The following ALG8 variants were observed in gnomAD, a reference collection of about 807,000 sequenced individuals.
ALG8 encodes dolichyl pyrophosphate Glc1Man9GlcNAc2 alpha-1,3-glucosyltransferase.
Under a neutral mutation model 70.2 loss-of-function variants are expected in ALG8, and 48 were observed. The observed-to-expected ratio is 0.68, with a 90% CI of 0.54 to 0.87. ALG8 has a LOEUF of 0.87. Ranked by LOEUF, ALG8 falls within the 40% of genes least tolerant of loss-of-function variation. The pLI, the probability that ALG8 is intolerant of heterozygous loss-of-function variation, is 0.00. For missense variants in ALG8, 572 were observed against 608.7 expected (o/e 0.94, Z 0.64); for synonymous variants, 234 against 229.0 (o/e 1.02, Z -0.20).
rs1304625845 is a variant in ALG8, at chr11:78,112,705, C to G, written c.843G>C (p.Trp281Cys). The G allele has an allele frequency of 6.2e-7, 1 of 1,613,988 alleles. No individual in the cohort carries two copies. Among genetic ancestry groups the G allele is most frequent in the Non-Finnish European group, 8.5e-7 (1 of 1,179,948 alleles). The part of the protein sequence containing the change: ...PFKRGLCHAY[W>C]APNFWALYNA... The stretch of plus-strand genomic sequence containing the variant: ...TGTACAAAGCCCAGAAGTTTGGAGC[C>G]CAATATGCATGACAGAGGCCCCTCT... The change falls in exon 8 of 13, where the codon TGG becomes TGC. Residue 281 changes from tryptophan to cysteine, a missense_variant. Physicochemically the swap from Trp to Cys is radical, Grantham distance 215. Transcript: ENST00000299626.
chr11:78,138,501 T>C (rs565640281), intron 1 of ALG8, among the ~76,000 whole-genome samples: 1 of 152,296 alleles, frequency 6.6e-6, no homozygotes, highest in South Asian at 2.1e-4. Context: ...TGATTACATA[T>C]ACGCATCAGT....
At position 78,106,851 on chromosome 11, in the gene ALG8, C is replaced by A. The variant is rs867450807; in HGVS notation, c.1134G>T (p.Trp378Cys). 14 of 1,613,958 alleles carry A rather than the reference C, an allele frequency of 8.7e-6. No individual in the cohort carries two copies. The highest frequency in any genetic ancestry group is 1.3e-5 in the African/African-American group (1 of 74,894). ...LCALSSFMFGWHVHEKAILLA... is the reference protein window; with the variant it reads ...LCALSSFMFGCHVHEKAILLA... Reference sequence around the variant, plus strand: ...GAAGTATGGCTTTTTCATGAACATGCCACCCAAACATAAAGGAGCTCAAGG... The same window carrying A: ...GAAGTATGGCTTTTTCATGAACATGACACCCAAACATAAAGGAGCTCAAGG... Residue 378 changes from tryptophan (W) to cysteine (C), a missense_variant, in exon 10 of 13, where the codon TGG becomes TGT. Physicochemically the swap from Trp to Cys is radical, Grantham distance 215. Coordinates refer to ENST00000299626, the MANE Select transcript of ALG8 (RefSeq NM_024079.5).
intron 2 of ALG8, 135 bp from the exon 3 acceptor site, chr11:78,124,349 C>A: frequency 2.4e-6 from 2 of 847,242 alleles, no homozygotes; most frequent in South Asian, 3.1e-5. Flanking sequence ...ACACCTGTAA[C>A]CCCAGCACTT....
Position 78,104,057 on chromosome 11 carries a change from T to A in ALG8, c.1277-5A>T, listed in dbSNP as rs1167702083. On this transcript the variant is annotated splice_region_variant and splice_polypyrimidine_tract_variant and intron_variant, in intron 11 of 12. Transcript: ENST00000299626. ...GTAAGATTTTAATGGGAAGTTCTGT[T>A]AAAAGAATAGAAAAAAAAAGATAAT... 6.8e-7 allele frequency: 1 copy of A among 1,470,842 alleles called. No individual in the cohort carries two copies. Among genetic ancestry groups the A allele is most frequent in the South Asian group, 1.2e-5 (1 of 86,030 alleles). The allele number at this position is 1,470,842 out of a possible 1,614,324, so 91.1% of individuals were successfully genotyped here. A position where few individuals can be genotyped will look rare whatever the true frequency, so the allele number is the denominator to read the frequency against.
At chr11:78,101,590 G>C (rs1326154050) in intron 12 of ALG8, among the ~76,000 whole-genome samples, 1 of 152,112 alleles carries the variant, frequency 6.6e-6, no homozygotes, top group Non-Finnish European at 1.5e-5. Context: ...CTGCACTCTA[G>C]CCTGGGCGAC....
chr11:78,111,181 C>T (rs1328919954), intron 8 of ALG8, among the ~76,000 whole-genome samples: 2 of 152,122 alleles, frequency 1.3e-5, no homozygotes, highest in South Asian at 2.1e-4. Flanking sequence ...GAGCGTCTAC[C>T]ATGTGCCCAG....
At position 78,101,128 on chromosome 11, in the gene ALG8, A is replaced by G; in HGVS notation, c.1417T>C (p.Cys473Arg). Reference sequence around the variant, plus strand: ...GTGAAAGGGAATACAAATTCACAGCAGACTTCCAGAGGCCCCAGGCCAAGC... The same window carrying G: ...GTGAAAGGGAATACAAATTCACAGCGGACTTCCAGAGGCCCCAGGCCAAGC... ...YLLGLGPLEV[C>R]CEFVFPFTSW... The change falls in exon 13 of 13, where the codon TGC becomes CGC. Residue 473 changes from cysteine to arginine, a missense_variant. By Grantham distance (180) the Cys-to-Arg change is radical. Transcript: ENST00000299626. 6.2e-7 allele frequency: 1 copy of G among 1,614,264 alleles called. No homozygotes were observed. The highest frequency in any genetic ancestry group is 1.1e-5 in the South Asian group (1 of 91,084).
chr11:78,133,368 G>A (rs888498787), intron 1 of ALG8: 1 of 152,080 alleles, frequency 6.6e-6, no homozygotes, highest in African/African-American at 2.4e-5. Context: ...TATCCCAGGG[G>A]TTTCTGGTTT....
At chr11:78,102,255 T>C (rs568107738) in intron 12 of ALG8, among the ~76,000 whole-genome samples, 2 of 152,182 alleles carry the variant, frequency 1.3e-5, no homozygotes, top group African/African-American at 4.8e-5. Flanking sequence ...CCTCAACCTC[T>C]AATCTACTTT....
At chr11:78,129,146 C>A (rs898301413) in intron 1 of ALG8, among the ~76,000 whole-genome samples, 2 of 151,832 alleles carry the variant, frequency 1.3e-5, no homozygotes, top group East Asian at 1.9e-4. Context: ...TGGGGCCGGG[C>A]GCGGTGGCTC....
Position 78,131,917 on chromosome 11 carries a change from A to G in ALG8, c.96-4481T>C, listed in dbSNP as rs73501296. On this transcript the variant is annotated intron_variant, in intron 1 of 12. Transcript: ENST00000299626. ...GTAGTATTTCTAAATCACGAATGTT[A>G]TATTTCCCTTTTAACTGGCCTCTGC... Among the ~76,000 whole-genome samples, 1,088 of 152,340 alleles carry G rather than the reference A, an allele frequency of 7.1e-3. 8 individuals carry two copies. Among genetic ancestry groups the G allele is most frequent in the African/African-American group, 0.024 (1,015 of 41,578 alleles).
At chr11:78,111,616 G>A (rs1223347331) in intron 8 of ALG8, among the ~76,000 whole-genome samples, 1 of 151,834 alleles carries the variant, frequency 6.6e-6, no homozygotes, top group Non-Finnish European at 1.5e-5. Context: ...ACAAATGTGT[G>A]CATACACAAA....
chr11:78,116,913 GTC>G (rs1338266695), intron 5 of ALG8, among the ~76,000 whole-genome samples: 1 of 152,094 alleles, frequency 6.6e-6, no homozygotes, highest in East Asian at 1.9e-4. Context: ...ATGCTTCTAG[GTC>G]TCTCTTCAAT....
chr11:78,119,429 T>A (rs11600617), intron 4 of ALG8, among the ~76,000 whole-genome samples, 180 bp from the exon 5 acceptor site: 1 of 85,300 alleles, frequency 1.2e-5, no homozygotes, highest in East Asian at 4.1e-4. Flanking sequence ...TTTTTTTTAA[T>A]TTTTTTTTTT....
chr11:78,124,636 T>C (rs535657438), intron 2 of ALG8, among the ~76,000 whole-genome samples: 2 of 152,204 alleles, frequency 1.3e-5, no homozygotes, highest in Non-Finnish European at 2.9e-5. Flanking sequence ...AACCTGGAGA[T>C]GATAAACTTG....
intron 1 of ALG8, chr11:78,138,588 A>T (rs945508766): frequency 1.0e-5 from 4 of 396,968 alleles, no homozygotes; most frequent in African/African-American, 2.1e-5. Context: ...AAGGATACCA[A>T]TAAAACAAAC....
chr11:78,128,110 T>C (rs974068094), intron 1 of ALG8, among the ~76,000 whole-genome samples: 1 of 152,212 alleles, frequency 6.6e-6, no homozygotes, highest in East Asian at 1.9e-4. Context: ...AGGCCTCATA[T>C]ACCAAGACAT....
chr11:78,104,288 T>C (rs1859921606), intron 11 of ALG8, 68 bp downstream of exon 11: 8 of 1,381,566 alleles, frequency 5.8e-6, no homozygotes, highest in Non-Finnish European at 7.9e-6. Context: ...ATTAGATGTA[T>C]TAATCTGTGG....
At chr11:78,137,097 C>T (rs1419469919) in intron 1 of ALG8, 2 of 152,242 alleles carry the variant, frequency 1.3e-5, no homozygotes, top group East Asian at 1.9e-4. Context: ...GACGAGATTT[C>T]TCCATGTTGG....
Sources: allele counts gnomAD v4.1 joint callset (sites outside exome capture counted in the v4.1 genomes callset), GRCh38; gene constraint gnomAD v4.1.1; transcripts MANE v1.5; gene names NCBI Gene and HGNC (gene_info 2026-07-23, HGNC 2026-07-21).